Variants in VDAC3 observed in about 807,000 individuals in gnomAD.
VDAC3 encodes voltage dependent anion channel 3, also known as non-selective voltage-gated ion channel VDAC3.
In VDAC3, 7 loss-of-function variants were observed where a neutral mutation model predicts 33.9. The observed-to-expected ratio is 0.21, with a 90% CI of 0.12 to 0.39. The LOEUF is 0.39. Ranked by LOEUF, VDAC3 falls within the 10% of genes least tolerant of loss-of-function variation. The pLI is 1.00. For synonymous variants in VDAC3, 100 were observed against 122.4 expected (o/e 0.82, Z 1.21); for missense variants, 261 against 334.5 (o/e 0.78, Z 1.71).
intron 4 of VDAC3, 84 bp from the exon 5 acceptor site, chr8:42,398,628 G>A (rs1189728202): frequency 4.7e-5 from 67 of 1,428,906 alleles, no homozygotes; most frequent in Non-Finnish European, 6.3e-5. Flanking sequence ...TATTGTTTTT[G>A]ATACATTGAA....
chr8:42,393,781 C>T (rs1466523161), intron 1 of VDAC3, 64 bp from the exon 2 acceptor site: 1 of 403,450 alleles, frequency 2.5e-6, no homozygotes, highest in Non-Finnish European at 4.4e-6. Flanking sequence ...AAATGTTAAC[C>T]CTGAGGATTT....
intron 6 of VDAC3, 130 bp downstream of exon 6, chr8:42,399,833 A>AGACCTTGT: frequency 1.3e-6 from 1 of 773,814 alleles, no homozygotes; most frequent in South Asian, 1.9e-5. Flanking sequence ...GGAATATTGG[A>AGACCTTGT]GACCTTGTAT....
At chr8:42,396,810 A>G (rs768286018) in intron 4 of VDAC3, 12 of 618,442 alleles carry the variant, frequency 1.9e-5, no homozygotes, top group African/African-American at 9.2e-5. Context: ...CTCATATGCT[A>G]TCTACTTAAC....
intron 8 of VDAC3, among the ~76,000 whole-genome samples, chr8:42,404,066 CTG>C (rs1243977581): frequency 6.6e-6 from 1 of 152,100 alleles, no homozygotes; most frequent in Non-Finnish European, 1.5e-5. Flanking sequence ...AAAAATAACA[CTG>C]AGCTGTTAAA....
Position 42,399,819 on chromosome 8 carries a change from A to T in VDAC3, c.323+116A>T, listed in dbSNP as rs928674502. ...GGCAGGAAGAACTCAGAAGGTTGCT[A>T]TAAGGAATATTGGAGACCTTGTATA... On this transcript the variant is annotated intron_variant, in intron 6 of 9. Transcript: ENST00000022615. 3.3e-6 allele frequency: 3 copies of T among 919,192 alleles called. No individual in the cohort carries two copies. In the Admixed American group the frequency reaches 6.9e-5, roughly 21 times the overall value. The allele number at this position is 919,192 out of a possible 1,614,324, so 56.9% of individuals were successfully genotyped here.
At position 42,405,592 on chromosome 8, in the gene VDAC3, C is replaced by A; in HGVS notation, c.*130C>A. 2.7e-6 allele frequency: 2 copies of A among 748,518 alleles called. No individual in the cohort carries two copies. The highest frequency in any genetic ancestry group is 4.4e-6 in the Non-Finnish European group (2 of 454,542). 46.4% of individuals were successfully genotyped at this position (748,518 alleles called of 1,614,324 possible). On this transcript the variant is annotated 3_prime_UTR_variant, in exon 10 of 10. Transcript: ENST00000022615. ...TTTTATTCTTCCAAAGAATTGTAAT[C>A]CTCCCCACACTGAAGTCTAGGGGTT...
At position 42,398,783 on chromosome 8, in the gene VDAC3, G is replaced by A. The variant is rs1311944805; in HGVS notation, c.189G>A (p.Lys63=). 1.2e-6 allele frequency: 2 copies of A among 1,613,874 alleles called. No homozygotes were observed. The highest frequency in any genetic ancestry group is 1.7e-5 in the Admixed American group (1 of 59,990). ...KASGNLETKY[K]VCNYGLTFTQ... is the part of the protein sequence containing the mutation. The stretch of plus-strand genomic sequence containing the variant: ...CAGGCAACCTAGAAACCAAATATAA[G>A]GTCTGTAACTATGGACTTACCTTCA... The change falls in exon 5 of 10, where the codon AAG becomes AAA. Residue 63 remains lysine (K), a synonymous_variant. Transcript: ENST00000022615.
intron 8 of VDAC3, 115 bp from the exon 9 acceptor site, chr8:42,404,752 C>A: frequency 1.4e-4 from 76 of 535,752 alleles, no homozygotes; most frequent in Non-Finnish European, 1.6e-4. Context: ...ATCAGTAATT[C>A]TAGATTGGCC....
intron 4 of VDAC3, among the ~76,000 whole-genome samples, chr8:42,395,434 C>T (rs1474558892): frequency 6.6e-6 from 1 of 152,220 alleles, no homozygotes; most frequent in East Asian, 1.9e-4. Context: ...CACCAAAAAC[C>T]TCACTTCCAT....
chr8:42,405,261 T>C (rs1012780683), intron 9 of VDAC3, 110 bp from the exon 10 acceptor site: 1 of 841,926 alleles, frequency 1.2e-6, no homozygotes, highest in African/African-American at 1.7e-5. Context: ...TGCTTATAGC[T>C]CGTATACCCA....
intron 4 of VDAC3, among the ~76,000 whole-genome samples, chr8:42,396,463 A>ATCAT (rs911155759): frequency 6.6e-6 from 1 of 152,186 alleles, no homozygotes; most frequent in Non-Finnish European, 1.5e-5. Flanking sequence ...GTTTGTGACC[A>ATCAT]TCATTCTTTC....
intron 4 of VDAC3, among the ~76,000 whole-genome samples, chr8:42,396,042 G>A (rs989554955): frequency 4.0e-5 from 6 of 151,676 alleles, no homozygotes; most frequent in Non-Finnish European, 8.8e-5. Flanking sequence ...CGGATCACGA[G>A]GTCAGGAGAT....
At chr8:42,403,053 A>G (rs1802444576) in intron 7 of VDAC3, 3 of 457,596 alleles carry the variant, frequency 6.6e-6, no homozygotes, top group Non-Finnish European at 1.2e-5. Flanking sequence ...TGCTTAATTG[A>G]ATTGTCTTAA....
chr8:42,400,118 A>G (rs1035885792), intron 6 of VDAC3, among the ~76,000 whole-genome samples: 1 of 152,130 alleles, frequency 6.6e-6, no homozygotes, highest in Non-Finnish European at 1.5e-5. Context: ...TGGGCGGATC[A>G]TGAGGTCCGG....
chr8:42,403,600 G>A, intron 8 of VDAC3, 139 bp downstream of exon 8: 1 of 991,984 alleles, frequency 1.0e-6, no homozygotes, highest in Non-Finnish European at 1.4e-6. Flanking sequence ...GGAATATAAT[G>A]TGGCCAGGCT....
chr8:42,399,091 A>G (rs1425384982), intron 5 of VDAC3, among the ~76,000 whole-genome samples: 1 of 152,094 alleles, frequency 6.6e-6, no homozygotes, highest in African/African-American at 2.4e-5. Flanking sequence ...TCTCTGTTAC[A>G]CAGCTAAGCT....
chr8:42,392,956 G>A (rs1055833542), intron 1 of VDAC3, among the ~76,000 whole-genome samples: 5 of 152,172 alleles, frequency 3.3e-5, no homozygotes, highest in African/African-American at 1.2e-4. Flanking sequence ...TTTAGTACAA[G>A]GGATTGAATT....
rs761825744 is a variant in VDAC3 at position 42,404,850 on chromosome 8, C to T, written c.703-17C>T. On this transcript the variant is annotated splice_polypyrimidine_tract_variant and intron_variant, in intron 8 of 9. Transcript: ENST00000022615. ...TAATTCACTGTTTTCTGTTATTATT[C>T]TATCTCTTAATCTTAGGCTAAAGTA... The T allele has an allele frequency of 6.2e-7, 1 of 1,604,586 alleles. No individual in the cohort carries two copies. Among genetic ancestry groups the T allele is most frequent in the East Asian group, 2.2e-5 (1 of 44,640 alleles).
At chr8:42,404,839 C>A in intron 8 of VDAC3, 28 bp from the exon 9 acceptor site, 1 of 1,591,804 alleles carries the variant, frequency 6.3e-7, no homozygotes, top group East Asian at 2.2e-5. Flanking sequence ...TCACTGTTTT[C>A]TGTTATTATT....
Sources: gnomAD v4.1 joint callset for allele counts (sites outside exome capture counted in the v4.1 genomes callset) on GRCh38, gnomAD v4.1.1 for gene constraint, MANE v1.5 for transcripts, NCBI Gene and HGNC (gene_info 2026-07-23, HGNC 2026-07-21) for gene names.